Variants in PDE2A observed in about 807,000 individuals in gnomAD.
PDE2A encodes the protein cGMP-dependent 3',5'-cyclic phosphodiesterase.
Under a neutral mutation model 133.6 loss-of-function variants are expected in PDE2A, and 53 were observed. The ratio of observed to expected loss-of-function variants is 0.40; its 90% confidence interval spans 0.32 to 0.50. PDE2A has a LOEUF of 0.50. Ranked by LOEUF, PDE2A falls within the 20% of genes least tolerant of loss-of-function variation. The pLI is 0.73. For missense variants in PDE2A, 796 were observed against 1,232.4 expected (o/e 0.65, Z 5.30); for synonymous variants, 491 against 490.2 (o/e 1.00, Z -0.02).
At chr11:72,601,857 A>G (rs939455969) in intron 4 of PDE2A, among the ~76,000 whole-genome samples, 1 of 152,108 alleles carries the variant, frequency 6.6e-6, no homozygotes, top group Non-Finnish European at 1.5e-5. Context: ...CCAGCCCTCA[A>G]TATCAGAATG....
In PDE2A at chr11:72,590,388, C is replaced by G; in HGVS notation, c.703+39G>C. The G allele has an allele frequency of 6.3e-7, 1 of 1,577,328 alleles. No individual in the cohort carries two copies. Among genetic ancestry groups the G allele is most frequent in the Non-Finnish European group, 8.6e-7 (1 of 1,162,392 alleles). On this transcript the variant is annotated intron_variant, in intron 8 of 30. Coordinates refer to ENST00000334456, the MANE Select transcript of PDE2A (RefSeq NM_002599.5). The surrounding 1 kb of genome is among the most constrained non-coding windows in gnomAD (Gnocchi z 4.8). ...GCCCACCTCCCCTCCAAGTTCTGCCCGGCCCCGCCCTCGTGACCTGTCCAG... is the reference window on the plus strand; with the variant it reads ...GCCCACCTCCCCTCCAAGTTCTGCCGGGCCCCGCCCTCGTGACCTGTCCAG...
chr11:72,631,986 G>A (rs1858413573), intron 2 of PDE2A, among the ~76,000 whole-genome samples: 3 of 152,214 alleles, frequency 2.0e-5, no homozygotes, highest in Admixed American at 1.3e-4. Flanking sequence ...TGGCGCGGGT[G>A]CAGGGGCTGA....
chr11:72,654,379 A>C (rs1159192081), intron 1 of PDE2A, among the ~76,000 whole-genome samples: 1 of 152,156 alleles, frequency 6.6e-6, no homozygotes, highest in Non-Finnish European at 1.5e-5. Context: ...GCCAGCCAGC[A>C]GGTGCCTGAA....
In PDE2A at chr11:72,590,743, T is replaced by G. The variant is rs1209182302; in HGVS notation, c.550-163A>C. On this transcript the variant is annotated intron_variant, in intron 7 of 30. Coordinates refer to ENST00000334456, the MANE Select transcript of PDE2A (RefSeq NM_002599.5). The surrounding 1 kb of genome is among the most constrained non-coding windows in gnomAD (Gnocchi z 4.8). ...CCCTGGACTCTACCTTCCTGAGGGC[T>G]CCCCCGGGGGCTCCCACAGCCCCTG... Among the ~76,000 whole-genome samples, 4 of 151,938 alleles carry G rather than the reference T, an allele frequency of 2.6e-5. No individual in the cohort carries two copies. The East Asian group carries it at 7.7e-4, about 29-fold the overall frequency.
intron 1 of PDE2A, among the ~76,000 whole-genome samples, chr11:72,646,661 G>T (rs778584215): frequency 1.1e-4 from 17 of 152,032 alleles, no homozygotes; most frequent in Non-Finnish European, 2.1e-4. Flanking sequence ...AAGATGCAAG[G>T]CTCATCCCCA....
intron 2 of PDE2A, among the ~76,000 whole-genome samples, chr11:72,635,784 G>C (rs1858650051): frequency 6.6e-6 from 1 of 152,234 alleles, no homozygotes; most frequent in South Asian, 2.1e-4. Context: ...GAGACTGCAA[G>C]ATCGGACCTC....
intron 6 of PDE2A, among the ~76,000 whole-genome samples, chr11:72,594,434 C>T (rs1280282733): frequency 1.3e-5 from 2 of 152,162 alleles, no homozygotes; most frequent in East Asian, 3.8e-4. Flanking sequence ...ATCTGTCAGA[C>T]ATGTATGCCT....
chr11:72,618,108 C>T (rs1198057219), intron 2 of PDE2A, among the ~76,000 whole-genome samples: 1 of 152,236 alleles, frequency 6.6e-6, no homozygotes, highest in African/African-American at 2.4e-5. Flanking sequence ...TCCCCTCCTC[C>T]AGAGTGACAG....
intron 1 of PDE2A, among the ~76,000 whole-genome samples, chr11:72,665,987 C>T (rs941002967): frequency 6.6e-6 from 1 of 152,148 alleles, no homozygotes; most frequent in Non-Finnish European, 1.5e-5. Context: ...CCTCCTCTGG[C>T]CTCACTTCAC....
chr11:72,654,160 C>T (rs1399493161), intron 1 of PDE2A, among the ~76,000 whole-genome samples: 1 of 152,104 alleles, frequency 6.6e-6, no homozygotes, highest in African/African-American at 2.4e-5. Context: ...GGCCCTGTGT[C>T]GGGGCCCTGA....
At chr11:72,628,074 AGT>A (rs1858175282) in intron 2 of PDE2A, among the ~76,000 whole-genome samples, 1 of 152,152 alleles carries the variant, frequency 6.6e-6, no homozygotes, top group South Asian at 2.1e-4. Flanking sequence ...GTGCCAGGAG[AGT>A]GTGCCATGCC....
chr11:72,584,372 G>T lies in PDE2A; in HGVS notation c.1538-59C>A, dbSNP rs777087616. 9.2e-6 allele frequency: 12 copies of T among 1,306,480 alleles called. No individual in the cohort carries two copies. The South Asian group carries it at 1.4e-4, about 16-fold the overall frequency. 80.9% of individuals were successfully genotyped at this position (1,306,480 alleles called of 1,614,324 possible). On this transcript the variant is annotated intron_variant, in intron 18 of 30. Coordinates refer to ENST00000334456, the MANE Select transcript of PDE2A (RefSeq NM_002599.5). Reference sequence around the variant, plus strand: ...GGAGGGAGGGATCGGTTGGAGGGAGGGATCCGGCCGGGACCTGCCCTCGCA... The same window carrying T: ...GGAGGGAGGGATCGGTTGGAGGGAGTGATCCGGCCGGGACCTGCCCTCGCA...
intron 1 of PDE2A, among the ~76,000 whole-genome samples, chr11:72,659,899 C>A (rs1273770243): frequency 1.3e-5 from 2 of 152,186 alleles, no homozygotes; most frequent in Non-Finnish European, 2.9e-5. Flanking sequence ...GAGACCAAGG[C>A]CTAAGCATCC....
intron 2 of PDE2A, among the ~76,000 whole-genome samples, chr11:72,609,088 C>T (rs542682421): frequency 6.6e-6 from 1 of 152,282 alleles, no homozygotes; most frequent in East Asian, 1.9e-4. Context: ...AACCACAAGG[C>T]TCCAAATTAA....
chr11:72,582,147 C>G, intron 21 of PDE2A, 200 bp from the exon 22 acceptor site: 1 of 611,024 alleles, frequency 1.6e-6, no homozygotes. Flanking sequence ...CTCTTGAAAC[C>G]AAGCCCACAC....
intron 1 of PDE2A, among the ~76,000 whole-genome samples, chr11:72,661,133 C>T (rs1321969028): frequency 6.6e-6 from 1 of 151,898 alleles, no homozygotes; most frequent in Non-Finnish European, 1.5e-5. Flanking sequence ...GGTGAAACCC[C>T]GTCTCTGCTA....
chr11:72,594,492 G>A (rs1269877961), intron 6 of PDE2A, among the ~76,000 whole-genome samples: 1 of 152,148 alleles, frequency 6.6e-6, no homozygotes, highest in Non-Finnish European at 1.5e-5. Flanking sequence ...GAGTGGGAAG[G>A]TGCAGGCTTA....
intron 11 of PDE2A, 45 bp from the exon 12 acceptor site, chr11:72,589,285 G>A (rs756529324): frequency 1.9e-5 from 28 of 1,437,256 alleles, no homozygotes; most frequent in Non-Finnish European, 2.5e-5. Flanking sequence ...TACTCCCCAG[G>A]TCAGGGGATC....
At position 72,674,289 on chromosome 11, in the gene PDE2A, C is replaced by A. The variant is rs577428130; in HGVS notation, c.-82G>T. The A allele has an allele frequency of 6.4e-6, 9 of 1,400,186 alleles. No individual in the cohort carries two copies. The East Asian group carries it at 1.0e-4, about 16-fold the overall frequency. The allele number at this position is 1,400,186 out of a possible 1,614,324, so 86.7% of individuals were successfully genotyped here. A position where few individuals can be genotyped will look rare whatever the true frequency, so the allele number is the denominator to read the frequency against. Reference sequence around the variant, plus strand: ...GCTGCCTGGAGTTCAGGGCAGGGCACCCCCAGCAGGCACAGGGACCAAGAG... The same window carrying A: ...GCTGCCTGGAGTTCAGGGCAGGGCAACCCCAGCAGGCACAGGGACCAAGAG... On this transcript the variant is annotated 5_prime_UTR_variant, in exon 1 of 31. Coordinates refer to ENST00000334456, the MANE Select transcript of PDE2A (RefSeq NM_002599.5).
Sources: gnomAD v4.1 joint callset for allele counts (sites outside exome capture counted in the v4.1 genomes callset) on GRCh38, gnomAD v4.1.1 for gene constraint, Gnocchi (gnomAD v3.1) non-coding constraint, MANE v1.5 for transcripts, NCBI Gene and HGNC (gene_info 2026-07-23, HGNC 2026-07-21) for gene names.